PCDHGA7: variants seen among roughly 807,000 people sequenced by gnomAD.
The protein encoded by PCDHGA7 is protocadherin gamma-A7.
Under a neutral mutation model 58.3 loss-of-function variants are expected in PCDHGA7, and 44 were observed. The observed-to-expected ratio is 0.75, with a 90% CI of 0.59 to 0.97. The LOEUF (loss-of-function observed/expected upper bound fraction) is 0.97, where lower values mean the gene tolerates loss of function less well. Among genes scored for constraint, PCDHGA7 ranks in the 50% least tolerant of loss-of-function variants. The pLI, the probability that PCDHGA7 is intolerant of heterozygous loss-of-function variation, is 0.00. For missense variants in PCDHGA7, 1,266 were observed against 1,188.7 expected (o/e 1.06, Z -0.96); for synonymous variants, 516 against 504.2 (o/e 1.02, Z -0.31).
chr5:141,484,123 T>C (rs2099592351), intron 1 of PCDHGA7, among the ~76,000 whole-genome samples: 1 of 152,174 alleles, frequency 6.6e-6, no homozygotes, highest in South Asian at 2.1e-4. Flanking sequence ...AAGAATACCT[T>C]GGTGTCAGAT....
chr5:141,385,633 G>A (rs2090306772), intron 1 of PCDHGA7: 9 of 905,286 alleles, frequency 9.9e-6, no homozygotes, highest in Non-Finnish European at 1.3e-5. Flanking sequence ...AATGAATCGA[G>A]TCTTTCATAT....
chr5:141,419,769 CGGT>C, intron 1 of PCDHGA7: 1 of 1,614,006 alleles, frequency 6.2e-7, no homozygotes, highest in Non-Finnish European at 8.5e-7. Context: ...GACAAGGACT[CGGT>C]CCGCCAGCGC....
At chr5:141,436,173 A>T (rs556225963) in intron 1 of PCDHGA7, among the ~76,000 whole-genome samples, 1 of 152,302 alleles carries the variant, frequency 6.6e-6, no homozygotes, top group East Asian at 1.9e-4. Context: ...GACAGTTCTC[A>T]TATATAGTCA....
intron 1 of PCDHGA7, chr5:141,423,330 C>G (rs932335651): frequency 9.9e-6 from 16 of 1,614,056 alleles, no homozygotes; most frequent in Middle Eastern, 1.6e-4. Flanking sequence ...TGGCCGCAGT[C>G]TCCTGCATCT....
intron 1 of PCDHGA7, among the ~76,000 whole-genome samples, chr5:141,437,076 A>G (rs1018228245): frequency 6.6e-6 from 1 of 152,236 alleles, no homozygotes; most frequent in African/African-American, 2.4e-5. Flanking sequence ...TTTGGGCCAT[A>G]TAAGAATTGA....
intron 1 of PCDHGA7, among the ~76,000 whole-genome samples, chr5:141,433,697 CGTG>C (rs1176871032): frequency 6.6e-6 from 1 of 152,020 alleles, no homozygotes; most frequent in Non-Finnish European, 1.5e-5. Context: ...ATTAGCCGGG[CGTG>C]GTGGTGCATG....
chr5:141,405,332 T>C, intron 1 of PCDHGA7: 1 of 1,614,222 alleles, frequency 6.2e-7, no homozygotes, highest in Non-Finnish European at 8.5e-7. Flanking sequence ...TTTGTGCGTC[T>C]CTGTTGATTC....
Position 141,404,333 on chromosome 5 carries a change from C to T in PCDHGA7, c.2424+19010C>T, listed in dbSNP as rs181615917. On this transcript the variant is annotated intron_variant, in intron 1 of 3. Transcript: ENST00000518325. ...CTCTCAAGCCTCCTACTCAGTCTACCTCCCGGAAAACAACGCCAGAGGTAC... is the reference window on the plus strand; with the variant it reads ...CTCTCAAGCCTCCTACTCAGTCTACTTCCCGGAAAACAACGCCAGAGGTAC... The T allele has an allele frequency of 3.8e-5, 62 of 1,613,854 alleles. No homozygotes were observed. The East Asian group carries it at 8.5e-4, about 22-fold the overall frequency.
chr5:141,506,177 G>A (rs1024892091), intron 3 of PCDHGA7, among the ~76,000 whole-genome samples: 16 of 152,142 alleles, frequency 1.1e-4, no homozygotes, highest in Admixed American at 4.6e-4. Flanking sequence ...TAAGCTGGGC[G>A]TGGTGGCTCA....
At chr5:141,408,879 C>A in intron 1 of PCDHGA7, 1 of 1,613,504 alleles carries the variant, frequency 6.2e-7, no homozygotes. Context: ...AGTGCCACCG[C>A]TCACATAGAA....
At chr5:141,423,444 A>C (rs1340932902) in intron 1 of PCDHGA7, 1 of 1,614,050 alleles carries the variant, frequency 6.2e-7, no homozygotes. Flanking sequence ...TGCCCACGTC[A>C]CATTTTGTAG....
chr5:141,478,414 C>T, intron 1 of PCDHGA7: 1 of 1,613,630 alleles, frequency 6.2e-7, no homozygotes, highest in Non-Finnish European at 8.5e-7. Context: ...CCACGGACTC[C>T]CGCCGCAGCG....
chr5:141,399,091 G>A (rs1299050213), intron 1 of PCDHGA7: 2 of 1,613,762 alleles, frequency 1.2e-6, no homozygotes, highest in South Asian at 1.1e-5. Context: ...GGATGGTGGT[G>A]GACTGGTTGC....
intron 1 of PCDHGA7, among the ~76,000 whole-genome samples, chr5:141,439,341 G>A (rs1464427300): frequency 6.6e-6 from 1 of 152,166 alleles, no homozygotes; most frequent in East Asian, 1.9e-4. Context: ...AAGATTCTAA[G>A]CCTACAAATA....
intron 1 of PCDHGA7, among the ~76,000 whole-genome samples, chr5:141,456,537 G>A (rs1411788378): frequency 1.3e-5 from 2 of 152,178 alleles, no homozygotes; most frequent in African/African-American, 4.8e-5. Flanking sequence ...ATTAAAGAGG[G>A]ATTGTAGCCA....
At chr5:141,408,458 G>A (rs760881860) in intron 1 of PCDHGA7, 1 of 1,614,066 alleles carries the variant, frequency 6.2e-7, no homozygotes, top group Admixed American at 1.7e-5. Context: ...GGACTTACTT[G>A]TGAAGAACCG....
In PCDHGA7 at chr5:141,489,461, A is replaced by G. The variant is rs1329676538; in HGVS notation, c.2425-5346A>G. 5.0e-6 allele frequency: 8 copies of G among 1,613,832 alleles called. No homozygotes were observed. The highest frequency in any genetic ancestry group is 6.8e-6 in the Non-Finnish European group (8 of 1,179,986). On this transcript the variant is annotated intron_variant, in intron 1 of 3. Transcript: ENST00000518325. This position sits in a 1 kb window ranked among gnomAD's most constrained non-coding sequence, Gnocchi z 4.5. ...TTGGGCTCTGAGGAGAATGGGCGCT[A>G]TTTTTCCCTGAGCTTGATGAGTGGT...
In PCDHGA7 at chr5:141,432,219, T is replaced by A. The variant is rs1327611752; in HGVS notation, c.2424+46896T>A. 6.2e-7 allele frequency: 1 copy of A among 1,614,122 alleles called. No homozygotes were observed. Among genetic ancestry groups the A allele is most frequent in the East Asian group, 2.2e-5 (1 of 44,868 alleles). On this transcript the variant is annotated intron_variant, in intron 1 of 3. Transcript: ENST00000518325. The surrounding 1 kb of genome is among the most constrained non-coding windows in gnomAD (Gnocchi z 6.0). The stretch of plus-strand genomic sequence containing the variant: ...CCCGACTGTGAAGAGAACGCCCAGA[T>A]CACTTATTCCCTGGCTGAGAACACC...
At chr5:141,424,668 A>G (rs1561816018) in intron 1 of PCDHGA7, 1 of 152,196 alleles carries the variant, frequency 6.6e-6, no homozygotes, top group Non-Finnish European at 1.5e-5. Flanking sequence ...AATTAAACTG[A>G]TTTAGCTAGT....
Sources: allele counts gnomAD v4.1 joint callset (sites outside exome capture counted in the v4.1 genomes callset), GRCh38; gene constraint gnomAD v4.1.1; non-coding constraint Gnocchi (gnomAD v3.1); transcripts MANE v1.5; gene names NCBI Gene and HGNC (gene_info 2026-07-23, HGNC 2026-07-21).